WSCD2: variants seen among roughly 807,000 people sequenced by gnomAD.
The protein encoded by WSCD2 is sialate:O-sulfotransferase 2.
Under a neutral mutation model 55.7 loss-of-function variants are expected in WSCD2, and 28 were observed. That is an observed-to-expected ratio of 0.50 (90% confidence interval 0.37 to 0.69). The LOEUF is 0.69. Ranked by LOEUF, WSCD2 falls within the 30% of genes least tolerant of loss-of-function variation. The probability of loss-of-function intolerance (pLI) is 0.00; values close to 1 mark genes in which losing one functional copy is unlikely to be tolerated. For synonymous variants in WSCD2, 301 were observed against 301.9 expected (o/e 1.00, Z 0.03); for missense variants, 616 against 762.1 (o/e 0.81, Z 2.26).
intron 4 of WSCD2, among the ~76,000 whole-genome samples, chr12:108,217,172 G>T (rs1886937936): frequency 6.6e-6 from 1 of 152,202 alleles, no homozygotes; most frequent in Non-Finnish European, 1.5e-5. Flanking sequence ...CTGCCCAATG[G>T]CACACAGCTA....
intron 1 of WSCD2, among the ~76,000 whole-genome samples, chr12:108,154,377 A>C (rs536351624): frequency 5.9e-5 from 9 of 151,896 alleles, no homozygotes; most frequent in Non-Finnish European, 1.2e-4. Context: ...CATCCTCAAA[A>C]CCAGCAATTG....
intron 1 of WSCD2, among the ~76,000 whole-genome samples, chr12:108,135,707 AG>A (rs1354783954): frequency 2.0e-5 from 3 of 152,238 alleles, no homozygotes; most frequent in Admixed American, 2.0e-4. Flanking sequence ...CACACAAACC[AG>A]GACAAATTGG....
intron 8 of WSCD2, among the ~76,000 whole-genome samples, chr12:108,241,497 T>C (rs1248958190): frequency 1.3e-5 from 2 of 152,138 alleles, no homozygotes; most frequent in Non-Finnish European, 2.9e-5. Flanking sequence ...AATCGCCCCA[T>C]TTGATAGATG....
At chr12:108,161,756 C>T (rs1189432193) in intron 1 of WSCD2, among the ~76,000 whole-genome samples, 1 of 152,196 alleles carries the variant, frequency 6.6e-6, no homozygotes, top group African/African-American at 2.4e-5. Context: ...CTATGACCAG[C>T]ATGTTCAGTC....
At chr12:108,175,476 G>A (rs895451695) in intron 1 of WSCD2, among the ~76,000 whole-genome samples, 14 of 152,236 alleles carry the variant, frequency 9.2e-5, no homozygotes, top group Admixed American at 2.6e-4. Flanking sequence ...GATCCAGGCC[G>A]CTGAGGCAAA....
At chr12:108,226,912 C>T in intron 5 of WSCD2, 78 bp from the exon 6 acceptor site, 1 of 1,482,930 alleles carries the variant, frequency 6.7e-7, no homozygotes, top group Non-Finnish European at 9.0e-7. Context: ...AAATGCAAAT[C>T]CTGTTCTCCA....
At chr12:108,194,363 G>A (rs4964652) in intron 1 of WSCD2, among the ~76,000 whole-genome samples, 5,160 of 152,280 alleles carry the variant, frequency 0.034, 318 homozygotes, top group East Asian at 0.15. Flanking sequence ...ATGGGCTACC[G>A]TCTGGGGGGC....
At chr12:108,151,677 A>G (rs1592892851) in intron 1 of WSCD2, among the ~76,000 whole-genome samples, 1 of 152,112 alleles carries the variant, frequency 6.6e-6, no homozygotes, top group Admixed American at 6.5e-5. Context: ...CCTCCTGGGA[A>G]TCTCCCGGAA....
intron 1 of WSCD2, chr12:108,189,617 G>A (rs1882916787): frequency 1.3e-5 from 2 of 152,222 alleles, no homozygotes; most frequent in African/African-American, 4.8e-5. Flanking sequence ...AAGTGTTGGT[G>A]TGGATTTGGA....
At chr12:108,240,588 GCT>G in intron 8 of WSCD2, 44 bp downstream of exon 8, 3 of 1,368,016 alleles carry the variant, frequency 2.2e-6, no homozygotes, top group South Asian at 1.3e-5. Flanking sequence ...GGGGCTTCGG[GCT>G]GCAGGGGGCG....
chr12:108,163,540 T>TA (rs1276597888), intron 1 of WSCD2, among the ~76,000 whole-genome samples: 1 of 152,162 alleles, frequency 6.6e-6, no homozygotes, highest in Non-Finnish European at 1.5e-5. Context: ...TTGGCAGACG[T>TA]AAATGAGTTA....
chr12:108,228,838 T>C (rs906883618), intron 6 of WSCD2, among the ~76,000 whole-genome samples: 10 of 152,326 alleles, frequency 6.6e-5, no homozygotes, highest in African/African-American at 2.4e-4. Context: ...CTAGTGAGCA[T>C]GTGGCTCTTG....
chr12:108,180,561 G>A (rs2136998793), intron 1 of WSCD2, among the ~76,000 whole-genome samples: 1 of 152,342 alleles, frequency 6.6e-6, no homozygotes. Flanking sequence ...AAGTAAATAG[G>A]AACCAGAAGA....
intron 1 of WSCD2, among the ~76,000 whole-genome samples, chr12:108,151,086 C>T (rs946099054): frequency 5.9e-5 from 9 of 152,022 alleles, no homozygotes; most frequent in African/African-American, 1.9e-4. Context: ...TCACTCCTTC[C>T]CTGTGCCATC....
intron 4 of WSCD2, among the ~76,000 whole-genome samples, chr12:108,211,281 GCAGAAATCCA>G (rs1886106286): frequency 1.3e-5 from 2 of 152,218 alleles, no homozygotes; most frequent in South Asian, 4.1e-4. Context: ...AAGGACAGAA[GCAGAAATCCA>G]CAGCTGCTTC....
intron 1 of WSCD2, among the ~76,000 whole-genome samples, chr12:108,178,423 C>T (rs1018946526): frequency 3.9e-5 from 6 of 152,302 alleles, no homozygotes; most frequent in East Asian, 3.9e-4. Flanking sequence ...AACTTTGGCT[C>T]GCTTCTAGGC....
At chr12:108,176,053 A>G (rs1880812852) in intron 1 of WSCD2, among the ~76,000 whole-genome samples, 1 of 152,052 alleles carries the variant, frequency 6.6e-6, no homozygotes, top group South Asian at 2.1e-4. Flanking sequence ...GTTAGCCAGG[A>G]TGGTCTCGAT....
chr12:108,209,752 C>G (rs55756662), intron 3 of WSCD2, among the ~76,000 whole-genome samples: 10,879 of 152,118 alleles, frequency 0.072, 719 homozygotes, highest in African/African-American at 0.18. Context: ...CCCAGATCCC[C>G]CTGCCCCATG....
chr12:108,195,135 T>G (rs1482856226), intron 1 of WSCD2, 147 bp from the exon 2 acceptor site: 1 of 152,278 alleles, frequency 6.6e-6, no homozygotes, highest in Non-Finnish European at 1.5e-5. Flanking sequence ...GCTCTTTATC[T>G]AGCACTGCTC....
Sources: allele counts gnomAD v4.1 joint callset (sites outside exome capture counted in the v4.1 genomes callset), GRCh38; gene constraint gnomAD v4.1.1; transcripts MANE v1.5; gene names NCBI Gene and HGNC (gene_info 2026-07-23, HGNC 2026-07-21).